The following ANKRD34B variants were observed in gnomAD, a reference collection of about 807,000 sequenced individuals.
ANKRD34B encodes ankyrin repeat domain-containing protein 34B.
A neutral mutation model predicts 4.4 loss-of-function variants in ANKRD34B; 2 were observed. The observed-to-expected ratio is 0.46, with a 90% confidence interval of 0.19 to 1.44. The LOEUF (loss-of-function observed/expected upper bound fraction) is 1.44, where lower values mean the gene tolerates loss of function less well. Ranked by LOEUF, ANKRD34B falls within the 40% of genes most tolerant of loss-of-function variation. The pLI is 0.26. For synonymous variants in ANKRD34B, 226 were observed against 227.1 expected (o/e 0.99, Z 0.05); for missense variants, 558 against 604.7 (o/e 0.92, Z 0.81).
Position 80,559,939 on chromosome 5 carries a change from T to A in ANKRD34B, c.81A>T (p.Arg27Ser), listed in dbSNP as rs371220836. The change falls in exon 5 of 5, where the codon AGA (arginine) becomes AGT (serine). Residue 27 changes from arginine to serine, a missense_variant. By Grantham distance (110) the Arg-to-Ser change is moderately radical. Transcript: ENST00000338682. ...AVHQSRLRLT[R>S]LLLEGGAYIN... ...TGTAGGCACCGCCTTCTAGCAAAAGTCTTGTGAGGCGAAGCCGGCTCTGAT... is the reference window on the plus strand; with the variant it reads ...TGTAGGCACCGCCTTCTAGCAAAAGACTTGTGAGGCGAAGCCGGCTCTGAT... 3 of 1,614,080 alleles carry A rather than the reference T, an allele frequency of 1.9e-6. No homozygotes were observed. The highest frequency in any genetic ancestry group is 2.5e-6 in the Non-Finnish European group (3 of 1,179,994).
intron 4 of ANKRD34B, among the ~76,000 whole-genome samples, chr5:80,563,457 CAA>C (rs1746464878): frequency 6.6e-6 from 1 of 152,174 alleles, no homozygotes; most frequent in African/African-American, 2.4e-5. Context: ...TTAAAATTTA[CAA>C]AGAGTCCTAT....
intron 4 of ANKRD34B, among the ~76,000 whole-genome samples, chr5:80,560,557 A>AGTTCCT (rs1300858019): frequency 2.0e-5 from 3 of 152,134 alleles, no homozygotes; most frequent in Non-Finnish European, 2.9e-5. Flanking sequence ...GCTACTCAGG[A>AGTTCCT]GACTGAGGCA....
At chr5:80,567,897 A>G (rs1746624722) in intron 2 of ANKRD34B, among the ~76,000 whole-genome samples, 2 of 152,124 alleles carry the variant, frequency 1.3e-5, no homozygotes, top group African/African-American at 4.8e-5. Flanking sequence ...TCTCCAAGTT[A>G]TCAACCTCTG....
In ANKRD34B at chr5:80,557,018, A is replaced by G. The variant is rs1382601431; in HGVS notation, c.*1457T>C. 2.6e-5 allele frequency: 4 copies of G among 152,650 alleles called. No individual in the cohort carries two copies. Among genetic ancestry groups the G allele is most frequent in the Admixed American group, 6.5e-5 (1 of 15,278 alleles). 9.5% of individuals were successfully genotyped at this position (152,650 alleles called of 1,614,324 possible). A position where few individuals can be genotyped will look rare whatever the true frequency, so the allele number is the denominator to read the frequency against. On this transcript the variant is annotated 3_prime_UTR_variant, in exon 5 of 5. Transcript: ENST00000338682. ...TTTAAAATAAAAGCCACAGTAATTA[A>G]ATAATTACTATGTACATTACAACTT...
rs1433411430 is a variant in ANKRD34B, at chr5:80,559,377, C to G, written c.643G>C (p.Glu215Gln). 6.2e-7 allele frequency: 1 copy of G among 1,614,144 alleles called. No homozygotes were observed. The highest frequency in any genetic ancestry group is 1.1e-5 in the South Asian group (1 of 91,086). Residue 215 changes from glutamate to glutamine, a missense_variant, in exon 5 of 5, where the codon GAG becomes CAG. Coordinates refer to ENST00000338682, the MANE Select transcript of ANKRD34B (RefSeq NM_001004441.3). The stretch of plus-strand genomic sequence containing the variant: ...GTATCATCATTGCTTCCAGCAAGCT[C>G]AAGATCTTTAAAGCCAAAAAGCGTC... ...ELTLFGFKDL[E>Q]LAGSNDDTWD...
intron 4 of ANKRD34B, among the ~76,000 whole-genome samples, chr5:80,562,791 C>A (rs1746443183): frequency 6.6e-6 from 1 of 152,188 alleles, no homozygotes; most frequent in South Asian, 2.1e-4. Context: ...TAGGTTCTTT[C>A]TGTAATCAGT....
chr5:80,565,553 C>T (rs781329171), intron 3 of ANKRD34B, among the ~76,000 whole-genome samples: 13 of 152,344 alleles, frequency 8.5e-5, no homozygotes, highest in East Asian at 7.7e-4. Flanking sequence ...GTTCCTCATG[C>T]GTGGAATGAC....
At chr5:80,562,489 G>A (rs146190667) in intron 4 of ANKRD34B, among the ~76,000 whole-genome samples, 1 of 152,228 alleles carries the variant, frequency 6.6e-6, no homozygotes, top group Non-Finnish European at 1.5e-5. Context: ...AGAAAACAGG[G>A]GAATAAGTGA....
Position 80,559,197 on chromosome 5 carries a change from C to G in ANKRD34B, c.823G>C (p.Glu275Gln), listed in dbSNP as rs140339198. The change falls in exon 5 of 5, where the codon GAA becomes CAA. Residue 275 changes from glutamate (E) to glutamine (Q), a missense_variant. By Grantham distance (29) the Glu-to-Gln change is conservative. Transcript: ENST00000338682. ...CCATTGGTTTTATAGGATAGTTCTT[C>G]CTCTGGTGTAATATCCTGGAGCTCC... ...QEELQDITPE[E>Q]ELSYKTNGLA... 3 of 1,614,038 alleles carry G rather than the reference C, an allele frequency of 1.9e-6. No homozygotes were observed. Among genetic ancestry groups the G allele is most frequent in the African/African-American group, 1.3e-5 (1 of 74,912 alleles).
At chr5:80,566,005 G>A (rs1746554061) in intron 3 of ANKRD34B, among the ~76,000 whole-genome samples, 1 of 152,098 alleles carries the variant, frequency 6.6e-6, no homozygotes, top group Non-Finnish European at 1.5e-5. Context: ...GCATATTTAC[G>A]ATGCTCCTTT....
chr5:80,558,617 T>A lies in ANKRD34B; in HGVS notation c.1403A>T (p.Lys468Met), dbSNP rs760761187. The A allele has an allele frequency of 6.2e-7, 1 of 1,614,154 alleles. No homozygotes were observed. Among genetic ancestry groups the A allele is most frequent in the Admixed American group, 1.7e-5 (1 of 60,012 alleles). ...ACCACAAGAAAGAAGGCTGCAAATC[T>A]TGTTGTTGACATTGATATCTGAGAT... ...PPISDINVNN[K>M]ICSLLSCGQK... The change falls in exon 5 of 5, where the codon AAG becomes ATG. Residue 468 changes from lysine (K) to methionine (M), a missense_variant. Physicochemically the swap from Lys to Met is moderately conservative, Grantham distance 95. Transcript: ENST00000338682.
chr5:80,562,544 A>G lies in ANKRD34B; in HGVS notation c.-24+1191T>C, dbSNP rs568144809. Among the ~76,000 whole-genome samples the G allele has an allele frequency of 7.2e-5, 11 of 152,342 alleles. No homozygotes were observed. In the East Asian group the frequency reaches 1.9e-3, roughly 27 times the overall value. On this transcript the variant is annotated intron_variant, in intron 4 of 4. Coordinates refer to ENST00000338682, the MANE Select transcript of ANKRD34B (RefSeq NM_001004441.3). The stretch of plus-strand genomic sequence containing the variant: ...GAAGGGTCCCACAGCCTGCTTCCCC[A>G]GCTTGGCTTCGAGGAGGCCGGCAGC...
At chr5:80,564,705 T>TA (rs1168889606) in intron 3 of ANKRD34B, among the ~76,000 whole-genome samples, 1 of 146,862 alleles carries the variant, frequency 6.8e-6, no homozygotes, top group Non-Finnish European at 1.5e-5. Flanking sequence ...CTCACTTCTT[T>TA]TTTTTTTTTT....
Position 80,559,394 on chromosome 5 carries a change from A to T in ANKRD34B, c.626T>A (p.Phe209Tyr). Residue 209 changes from phenylalanine to tyrosine, a missense_variant, in exon 5 of 5, where the codon TTT becomes TAT. By Grantham distance (22) the Phe-to-Tyr change is conservative (BLOSUM62 3). Coordinates refer to ENST00000338682, the MANE Select transcript of ANKRD34B (RefSeq NM_001004441.3). ...SHSSETELTLFGFKDLELAGS... is the reference protein window; with the variant it reads ...SHSSETELTLYGFKDLELAGS... ...AGCAAGCTCAAGATCTTTAAAGCCA[A>T]AAAGCGTCAGTTCCGTTTCAGAAGA... 1.2e-6 allele frequency: 2 copies of T among 1,614,212 alleles called. No individual in the cohort carries two copies. The highest frequency in any genetic ancestry group is 1.7e-6 in the Non-Finnish European group (2 of 1,180,034).
In ANKRD34B at chr5:80,559,007, A is replaced by G. The variant is rs148564433; in HGVS notation, c.1013T>C (p.Val338Ala). 5,938 of 1,614,188 alleles carry G rather than the reference A, an allele frequency of 3.7e-3. 37 individuals are homozygous for G. Among genetic ancestry groups the G allele is most frequent in the South Asian group, 0.016 (1,415 of 91,084 alleles). ...LSEGNQQCIE[V>A]PVDQDPDSNQ... ...AGAATCTGGGTCCTGGTCAACAGGG[A>G]CTTCAATGCATTGCTGATTTCCTTC... The change falls in exon 5 of 5, where the codon GTC (valine) becomes GCC (alanine). Residue 338 changes from valine (V) to alanine (A), a missense_variant. By Grantham distance (64) the Val-to-Ala change is moderately conservative. Transcript: ENST00000338682.
intron 2 of ANKRD34B, among the ~76,000 whole-genome samples, chr5:80,567,121 T>A (rs1051253900): frequency 6.6e-6 from 1 of 152,168 alleles, no homozygotes; most frequent in Non-Finnish European, 1.5e-5. Flanking sequence ...GTCAATTACA[T>A]GTTTGTGTCC....
rs1458842285 is a variant in ANKRD34B at position 80,570,193 on chromosome 5, C to A, written c.-378G>T. On this transcript the variant is annotated 5_prime_UTR_variant, in exon 1 of 5. The change creates a new upstream start codon in the 5' untranslated region. Coordinates refer to ENST00000338682, the MANE Select transcript of ANKRD34B (RefSeq NM_001004441.3). The stretch of plus-strand genomic sequence containing the variant: ...CGAGTTGGCGGCGGCGCTTTCAAAC[C>A]TCTCTCCGGCACTGCCCGACCCTCT... 2 of 152,396 alleles carry A rather than the reference C, an allele frequency of 1.3e-5. No homozygotes were observed. Among genetic ancestry groups the A allele is most frequent in the Non-Finnish European group, 2.9e-5 (2 of 68,188 alleles). 9.4% of individuals were successfully genotyped at this position (152,396 alleles called of 1,614,324 possible).
At chr5:80,569,521 C>T (rs1213196592) in intron 1 of ANKRD34B, among the ~76,000 whole-genome samples, 3 of 151,742 alleles carry the variant, frequency 2.0e-5, no homozygotes, top group Non-Finnish European at 4.4e-5. Flanking sequence ...CAGTCCCCAG[C>T]CCGCCCCCAG....
At position 80,559,175 on chromosome 5, in the gene ANKRD34B, T is replaced by C. The variant is rs200804923; in HGVS notation, c.845A>G (p.Asn282Ser). 3.6e-4 allele frequency: 574 copies of C among 1,614,054 alleles called. No homozygotes were observed. The highest frequency in any genetic ancestry group is 4.5e-4 in the Non-Finnish European group (534 of 1,180,036). ...GAACCGCTTGGAAAGTGCCAGCCCA[T>C]TGGTTTTATAGGATAGTTCTTCCTC... ...TPEEELSYKT[N>S]GLALSKRFIT... The change falls in exon 5 of 5, where the codon AAT becomes AGT. Residue 282 changes from asparagine (N) to serine (S), a missense_variant. Coordinates refer to ENST00000338682, the MANE Select transcript of ANKRD34B (RefSeq NM_001004441.3).
Sources: gnomAD v4.1 joint callset for allele counts (sites outside exome capture counted in the v4.1 genomes callset) on GRCh38, gnomAD v4.1.1 for gene constraint, MANE v1.5 for transcripts, NCBI Gene and HGNC (gene_info 2026-07-23, HGNC 2026-07-21) for gene names.